The following BMPR1A variants were observed in gnomAD, a reference collection of about 807,000 sequenced individuals.
BMPR1A encodes the protein bone morphogenetic protein receptor type-1A.
In BMPR1A, 7 loss-of-function variants were observed where a neutral mutation model predicts 66.0. That is an observed-to-expected ratio of 0.11 (90% CI 0.06 to 0.20). BMPR1A has a LOEUF of 0.20. Among genes scored for constraint, BMPR1A ranks in the 10% least tolerant of loss-of-function variants. The pLI, the probability that BMPR1A is intolerant of heterozygous loss-of-function variation, is 1.00. For synonymous variants in BMPR1A, 200 were observed against 229.7 expected (o/e 0.87, Z 1.17); for missense variants, 408 against 669.1 (o/e 0.61, Z 4.31).
chr10:86,860,587 T>C (rs989186594), intron 2 of BMPR1A, among the ~76,000 whole-genome samples: 1 of 151,870 alleles, frequency 6.6e-6, no homozygotes, highest in African/African-American at 2.4e-5. Flanking sequence ...CTAGCCAACA[T>C]GGCAAAACCC....
In BMPR1A at chr10:86,787,817, G is replaced by A. The variant is rs36062672; in HGVS notation, c.-268+30898G>A. Among the ~76,000 whole-genome samples, 786 of 152,208 alleles carry A rather than the reference G, an allele frequency of 5.2e-3. 6 individuals carry two copies. Among genetic ancestry groups the A allele is most frequent in the Middle Eastern group, 0.034 (10 of 294 alleles). On this transcript the variant is annotated intron_variant, in intron 1 of 12. Coordinates refer to ENST00000372037, the MANE Select transcript of BMPR1A (RefSeq NM_004329.3). ...GACAGCAGGAGAGACAGCAAAGAGG[G>A]GAATGCCACATGCTTCCAGATCTCT...
chr10:86,767,395 A>T (rs569998926), intron 1 of BMPR1A, among the ~76,000 whole-genome samples: 1 of 152,282 alleles, frequency 6.6e-6, no homozygotes, highest in African/African-American at 2.4e-5. Flanking sequence ...CATAAAAATT[A>T]TTTGGAAACC....
chr10:86,842,677 A>G (rs915292236), intron 2 of BMPR1A, among the ~76,000 whole-genome samples: 7 of 152,212 alleles, frequency 4.6e-5, no homozygotes, highest in Admixed American at 2.0e-4. Flanking sequence ...ACAAAGACAT[A>G]CCCAAGACTG....
intron 1 of BMPR1A, among the ~76,000 whole-genome samples, chr10:86,829,477 A>C (rs1220477429): frequency 6.6e-6 from 1 of 152,116 alleles, no homozygotes; most frequent in African/African-American, 2.4e-5. Flanking sequence ...ACATTGGTAC[A>C]TTTTATGTGT....
At chr10:86,817,603 C>A (rs1212975199) in intron 1 of BMPR1A, among the ~76,000 whole-genome samples, 1 of 152,070 alleles carries the variant, frequency 6.6e-6, no homozygotes, top group Non-Finnish European at 1.5e-5. Flanking sequence ...AATTGGATAA[C>A]CTGGATGAAA....
rs1391112844 is a variant in BMPR1A at position 86,827,381 on chromosome 10, TAATATTCCAAATTACTGGAATATGG to T, written c.-267-11476_-267-11452del. Among the ~76,000 whole-genome samples the T allele has an allele frequency of 3.3e-5, 5 of 152,350 alleles. No homozygotes were observed. In the East Asian group the frequency reaches 9.6e-4, roughly 29 times the overall value. On this transcript the variant is annotated intron_variant, in intron 1 of 12. Coordinates refer to ENST00000372037, the MANE Select transcript of BMPR1A (RefSeq NM_004329.3). ...TTCATTAATTTTTCACTATTTGATA[TAATATTCCAAATTACTGGAATATGG>T]AATATTCTATGAATATACCACAGTC...
intron 3 of BMPR1A, among the ~76,000 whole-genome samples, chr10:86,880,883 G>A (rs967633948): frequency 1.3e-5 from 2 of 150,538 alleles, no homozygotes; most frequent in African/African-American, 2.5e-5. Context: ...TTAAATCCAC[G>A]TGTTTGTAAT....
Position 86,803,033 on chromosome 10 carries a change from G to C in BMPR1A, c.-267-35832G>C, listed in dbSNP as rs1841834403. On this transcript the variant is annotated intron_variant, in intron 1 of 12. Transcript: ENST00000372037. ...AAAAAAAAAAAAAAAAAGACCCTAA[G>C]CCTTTTTTTACTGCATATATTCCTA... Among the ~76,000 whole-genome samples the C allele has an allele frequency of 5.8e-5, 7 of 120,034 alleles. No individual in the cohort carries two copies. The South Asian group carries it at 2.0e-3, about 34-fold the overall frequency. The allele number at this position is 120,034 out of a possible 152,430, so 78.7% of individuals were successfully genotyped here.
chr10:86,877,947 C>T (rs964938169), intron 3 of BMPR1A, among the ~76,000 whole-genome samples: 1 of 152,080 alleles, frequency 6.6e-6, no homozygotes, highest in Non-Finnish European at 1.5e-5. Context: ...TTAGTTACTA[C>T]GTAAAAGCAA....
intron 1 of BMPR1A, among the ~76,000 whole-genome samples, chr10:86,810,845 C>A (rs1031899809): frequency 6.6e-6 from 1 of 152,128 alleles, no homozygotes; most frequent in African/African-American, 2.4e-5. Flanking sequence ...TTCTACCATT[C>A]CCATTCCTTG....
In BMPR1A at chr10:86,799,506, C is replaced by CTTCCTTCCTTCCT. The variant is rs1354339570; in HGVS notation, c.-267-39357_-267-39356insCCTTCCTTCCTTT. Among the ~76,000 whole-genome samples, 78 of 64,536 alleles carry CTTCCTTCCTTCCT rather than the reference C, an allele frequency of 1.2e-3. 1 individual carries two copies. The highest frequency in any genetic ancestry group is 2.9e-3 in the African/African-American group (70 of 23,752). The allele number at this position is 64,536 out of a possible 152,430, so 42.3% of individuals were successfully genotyped here. ...CCTTCCTTCCTTCCTTCCTTCCTTC[C>CTTCCTTCCTTCCT]TTTCTTTTCTTTTCTTTTCTTTTCT... On this transcript the variant is annotated intron_variant, in intron 1 of 12. Transcript: ENST00000372037.
intron 2 of BMPR1A, among the ~76,000 whole-genome samples, chr10:86,874,750 C>T (rs748862477): frequency 1.5e-4 from 18 of 121,884 alleles, no homozygotes; most frequent in Non-Finnish European, 2.1e-4. Flanking sequence ...TGGAGTCTCG[C>T]TCTGTCGTGT....
At chr10:86,846,010 TTATATA>T (rs1425279891) in intron 2 of BMPR1A, among the ~76,000 whole-genome samples, 1 of 150,082 alleles carries the variant, frequency 6.7e-6, no homozygotes, top group South Asian at 2.1e-4. Context: ...AAAAAAAAAA[TTATATA>T]TATATAGATA....
At chr10:86,778,344 A>C (rs1479557458) in intron 1 of BMPR1A, among the ~76,000 whole-genome samples, 1 of 151,880 alleles carries the variant, frequency 6.6e-6, no homozygotes, top group African/African-American at 2.4e-5. Flanking sequence ...GGGTCTCACC[A>C]TGTTGTCCAG....
intron 7 of BMPR1A, among the ~76,000 whole-genome samples, chr10:86,906,755 A>C (rs1366976199): frequency 8.6e-5 from 3 of 35,026 alleles, no homozygotes; most frequent in African/African-American, 8.7e-4. Flanking sequence ...AAAAAAAAAA[A>C]AAAAAAACAC....
rs12772861 is a variant in BMPR1A at position 86,768,605 on chromosome 10, T to C, written c.-268+11686T>C. Among the ~76,000 whole-genome samples, 1,963 of 152,364 alleles carry C rather than the reference T, an allele frequency of 0.013. 27 individuals are homozygous for C. The highest frequency in any genetic ancestry group is 0.051 in the Middle Eastern group (15 of 294). On this transcript the variant is annotated intron_variant, in intron 1 of 12. Coordinates refer to ENST00000372037, the MANE Select transcript of BMPR1A (RefSeq NM_004329.3). ...AGTCATTCAATTGAGGTTAAATCTT[T>C]ACACAAAGAAGGCATTAATAGCTTA...
intron 1 of BMPR1A, among the ~76,000 whole-genome samples, chr10:86,767,907 A>G (rs978359352): frequency 1.3e-5 from 2 of 152,170 alleles, no homozygotes; most frequent in African/African-American, 2.4e-5. Context: ...AAACTATCCT[A>G]TGTCCAACTG....
chr10:86,779,537 G>A (rs1356989227), intron 1 of BMPR1A, among the ~76,000 whole-genome samples: 1 of 152,110 alleles, frequency 6.6e-6, no homozygotes, highest in Non-Finnish European at 1.5e-5. Context: ...TTTGATAATA[G>A]CCGTTTTAAC....
At chr10:86,758,982 G>A (rs1395562457) in intron 1 of BMPR1A, among the ~76,000 whole-genome samples, 1 of 152,210 alleles carries the variant, frequency 6.6e-6, no homozygotes, top group African/African-American at 2.4e-5. Flanking sequence ...GGAGCTTAAA[G>A]TCTAGTGGGG....
Sources: allele counts gnomAD v4.1 joint callset (sites outside exome capture counted in the v4.1 genomes callset), GRCh38; gene constraint gnomAD v4.1.1; transcripts MANE v1.5; gene names NCBI Gene and HGNC (gene_info 2026-07-23, HGNC 2026-07-21).